RIMS2: variants seen among roughly 807,000 people sequenced by gnomAD.
RIMS2 encodes regulating synaptic membrane exocytosis 2.
RIMS2 carries 59 observed loss-of-function variants against 174.4 expected under a neutral mutation model. That is an observed-to-expected ratio of 0.34 (90% CI 0.27 to 0.42). The LOEUF (loss-of-function observed/expected upper bound fraction) is 0.42. RIMS2 is among the 10% of genes least tolerant of loss of function. RIMS2 has a pLI of 1.00. For synonymous variants in RIMS2, 606 were observed against 572.5 expected, an observed-to-expected ratio of 1.06 and a Z score of -0.84; for missense variants, 1,620 against 1,666.3, an observed-to-expected ratio of 0.97 and a Z score of 0.48.
At chr8:103,577,591 C>G (rs892955774) in intron 1 of RIMS2, among the ~76,000 whole-genome samples, 2 of 152,062 alleles carry the variant, frequency 1.3e-5, no homozygotes, top group African/African-American at 4.8e-5. Context: ...GTACATGTAT[C>G]CCAGAACTTA....
At chr8:103,942,862 C>T in exon 14 of RIMS2, 1 of 1,613,516 alleles carries the variant, frequency 6.2e-7, no homozygotes, top group Middle Eastern at 1.7e-4. Flanking sequence ...TGCCACTTCC[C>T]CACCCTTCTC....
At chr8:104,130,923 T>A (rs2098468895) in intron 19 of RIMS2, among the ~76,000 whole-genome samples, 1 of 152,130 alleles carries the variant, frequency 6.6e-6, no homozygotes, top group Non-Finnish European at 1.5e-5. Flanking sequence ...TAGTGATGTA[T>A]TTCTAGAGCA....
chr8:103,796,786 A>G (rs1251893934), intron 3 of RIMS2, among the ~76,000 whole-genome samples: 1 of 152,224 alleles, frequency 6.6e-6, no homozygotes, highest in Non-Finnish European at 1.5e-5. Context: ...AAGAAATAAG[A>G]AATAACTAGT....
chr8:103,949,613 C>G (rs2023028), intron 14 of RIMS2, among the ~76,000 whole-genome samples: 6 of 151,986 alleles, frequency 3.9e-5, no homozygotes, highest in African/African-American at 1.4e-4. Flanking sequence ...CCTAATGTAT[C>G]GATATTCATG....
chr8:104,132,931 C>T (rs1043420240), intron 19 of RIMS2, among the ~76,000 whole-genome samples: 1 of 152,142 alleles, frequency 6.6e-6, no homozygotes, highest in Non-Finnish European at 1.5e-5. Flanking sequence ...CACCCCAGAC[C>T]TAATGAACCA....
At position 103,576,069 on chromosome 8, in the gene RIMS2, C is replaced by A. The variant is rs538223775; in HGVS notation, c.176+75007C>A. On this transcript the variant is annotated intron_variant, in intron 1 of 23. Transcript: ENST00000504942. Reference sequence around the variant, plus strand: ...AGGACCACTATCCTCAGCATGGAAACCCTGCTATGTAAGTCAGCCAAAGGA... The same window carrying A: ...AGGACCACTATCCTCAGCATGGAAAACCTGCTATGTAAGTCAGCCAAAGGA... 2.7e-4 allele frequency among the ~76,000 whole-genome samples: 41 copies of A among 152,264 alleles called. 1 individual carries two copies. In the Middle Eastern group the frequency reaches 0.01, roughly 38 times the overall value.
intron 19 of RIMS2, among the ~76,000 whole-genome samples, chr8:104,046,128 C>T (rs1279089204): frequency 6.6e-6 from 1 of 152,006 alleles, no homozygotes; most frequent in Non-Finnish European, 1.5e-5. Context: ...TTATTTCTTA[C>T]AATTCTGGGG....
intron 4 of RIMS2, among the ~76,000 whole-genome samples, chr8:103,893,996 G>A (rs7837796): frequency 0.21 from 31,771 of 151,904 alleles, 3,497 homozygotes; most frequent in South Asian, 0.32. Context: ...CAGCTTTAAG[G>A]CACCATGGAA....
At chr8:103,976,649 G>A (rs1276207322) in intron 16 of RIMS2, 5 of 149,972 alleles carry the variant, frequency 3.3e-5, no homozygotes, top group African/African-American at 1.2e-4. Flanking sequence ...CTGGGTTCAA[G>A]CGATTCCCCT....
chr8:103,900,237 G>A (rs181608485), intron 4 of RIMS2, among the ~76,000 whole-genome samples: 49 of 151,638 alleles, frequency 3.2e-4, no homozygotes, highest in Admixed American at 1.4e-3. Context: ...TTGTTTGTTC[G>A]TTTGAGATAG....
intron 19 of RIMS2, chr8:104,094,549 T>C (rs1194369004): frequency 1.4e-6 from 1 of 700,686 alleles, no homozygotes. Flanking sequence ...AAGGAAGAGG[T>C]AAAGGAAGAA....
chr8:103,515,327 T>G (rs993778048), intron 1 of RIMS2, among the ~76,000 whole-genome samples: 2 of 152,224 alleles, frequency 1.3e-5, no homozygotes, highest in Non-Finnish European at 2.9e-5. Context: ...TTAATATACT[T>G]TCACACAGTT....
intron 19 of RIMS2, among the ~76,000 whole-genome samples, chr8:104,158,453 G>C (rs2098739313): frequency 6.6e-6 from 1 of 152,152 alleles, no homozygotes; most frequent in African/African-American, 2.4e-5. Context: ...TCTAATTCTA[G>C]ATCCTTGAGG....
chr8:104,094,656 C>T, intron 19 of RIMS2: 1 of 701,606 alleles, frequency 1.4e-6, no homozygotes, highest in South Asian at 1.5e-5. Context: ...ACAAGATATA[C>T]ACGAGCAAGG....
intron 19 of RIMS2, among the ~76,000 whole-genome samples, chr8:104,058,887 G>A (rs533489383): frequency 9.9e-5 from 15 of 152,210 alleles, no homozygotes; most frequent in East Asian, 5.8e-4. Context: ...GTAGATATGC[G>A]GCGTTATTTC....
Position 104,155,020 on chromosome 8 carries a change from A to G in RIMS2, c.3335-89896A>G, listed in dbSNP as rs73299463. On this transcript the variant is annotated intron_variant, in intron 19 of 23. Coordinates refer to ENST00000504942, the Ensembl canonical transcript of RIMS2. Reference sequence around the variant, plus strand: ...ATTAAACTTTACAAATATTTAATATATGGCTTCACCTAGTATTCTCAGTCT... The same window carrying G: ...ATTAAACTTTACAAATATTTAATATGTGGCTTCACCTAGTATTCTCAGTCT... 8.7e-3 allele frequency among the ~76,000 whole-genome samples: 1,326 copies of G among 152,204 alleles called. 13 individuals carry two copies. Among genetic ancestry groups the G allele is most frequent in the African/African-American group, 0.029 (1,214 of 41,506 alleles).
intron 3 of RIMS2, among the ~76,000 whole-genome samples, chr8:103,881,347 ATTCTT>A (rs753702074): frequency 3.3e-5 from 5 of 151,524 alleles, no homozygotes; most frequent in Admixed American, 1.3e-4. Context: ...AGATTTGATG[ATTCTT>A]TTATCAATAT....
intron 3 of RIMS2, among the ~76,000 whole-genome samples, chr8:103,796,124 T>C (rs1023064850): frequency 2.0e-5 from 3 of 152,170 alleles, no homozygotes; most frequent in Non-Finnish European, 4.4e-5. Context: ...TATGTTTTTC[T>C]TCCTTTCTGG....
At chr8:103,802,456 C>T (rs1258657618) in intron 3 of RIMS2, among the ~76,000 whole-genome samples, 2 of 152,076 alleles carry the variant, frequency 1.3e-5, no homozygotes, top group African/African-American at 2.4e-5. Flanking sequence ...CCCTTTGGCT[C>T]TCCCAATACA....
Sources: gnomAD v4.1 joint callset for allele counts (sites outside exome capture counted in the v4.1 genomes callset) on GRCh38, gnomAD v4.1.1 for gene constraint, MANE v1.5 for transcripts, NCBI Gene and HGNC (gene_info 2026-07-23, HGNC 2026-07-21) for gene names.